PID1: variants seen among roughly 807,000 people sequenced by gnomAD.
PID1 encodes PTB-containing, cubilin and LRP1-interacting protein.
In PID1, 10 loss-of-function variants were observed where a neutral mutation model predicts 19.1. The ratio of observed to expected loss-of-function variants is 0.52; its 90% CI spans 0.32 to 0.89. The LOEUF (loss-of-function observed/expected upper bound fraction) is 0.89. PID1 is among the 40% of genes least tolerant of loss of function. The probability of loss-of-function intolerance (pLI) is 0.03; values close to 1 mark genes in which losing one functional copy is unlikely to be tolerated. For missense variants in PID1, 248 were observed against 285.3 expected, an observed-to-expected ratio of 0.87 and a Z score of 0.94; for synonymous variants, 130 against 116.0, an observed-to-expected ratio of 1.12 and a Z score of -0.78.
chr2:229,109,792 A>G (rs974682631), intron 2 of PID1, among the ~76,000 whole-genome samples: 21 of 152,258 alleles, frequency 1.4e-4, no homozygotes, highest in Admixed American at 1.4e-3. Flanking sequence ...TGTCTGGAGA[A>G]TAAATAGCAG....
At chr2:229,084,407 C>G (rs573670397) in intron 2 of PID1, among the ~76,000 whole-genome samples, 1 of 152,224 alleles carries the variant, frequency 6.6e-6, no homozygotes, top group African/African-American at 2.4e-5. Flanking sequence ...CAGGAAAAGT[C>G]TTTTCTTTCT....
At chr2:229,269,120 G>T (rs1690668975) in intron 1 of PID1, among the ~76,000 whole-genome samples, 1 of 150,656 alleles carries the variant, frequency 6.6e-6, no homozygotes, top group African/African-American at 2.4e-5. Context: ...GCATGAAGTT[G>T]AGCCCCCTGT....
chr2:229,075,296 C>T (rs1183618101), intron 2 of PID1, among the ~76,000 whole-genome samples: 1 of 152,128 alleles, frequency 6.6e-6, no homozygotes, highest in African/African-American at 2.4e-5. Flanking sequence ...TAAGTCAAAC[C>T]ATTGTAAGTT....
At chr2:229,107,443 C>A (rs548798029) in intron 2 of PID1, among the ~76,000 whole-genome samples, 2 of 147,744 alleles carry the variant, frequency 1.4e-5, no homozygotes, top group Admixed American at 6.8e-5. Context: ...CAGCTCCTCT[C>A]AGTAGAATTT....
intron 1 of PID1, among the ~76,000 whole-genome samples, chr2:229,250,461 C>T (rs1398447159): frequency 6.6e-6 from 1 of 152,134 alleles, no homozygotes; most frequent in Non-Finnish European, 1.5e-5. Context: ...CATTATTGCA[C>T]CAAACCACAG....
At chr2:229,231,206 C>T (rs1692198924) in intron 1 of PID1, among the ~76,000 whole-genome samples, 1 of 152,068 alleles carries the variant, frequency 6.6e-6, no homozygotes, top group Admixed American at 6.6e-5. Flanking sequence ...ACTCACAGCT[C>T]ACTAGCAGCC....
At chr2:229,121,783 G>A (rs1019017393) in intron 2 of PID1, among the ~76,000 whole-genome samples, 14 of 152,058 alleles carry the variant, frequency 9.2e-5, no homozygotes, top group Admixed American at 6.6e-5. Flanking sequence ...ACACTTGATC[G>A]AGGTCTAGGG....
At chr2:229,109,486 C>A (rs1695250429) in intron 2 of PID1, among the ~76,000 whole-genome samples, 1 of 152,164 alleles carries the variant, frequency 6.6e-6, no homozygotes, top group Admixed American at 6.6e-5. Context: ...GTACAAACTG[C>A]ATGATTACCT....
intron 2 of PID1, among the ~76,000 whole-genome samples, chr2:229,071,568 C>CTA (rs1195940396): frequency 1.3e-5 from 2 of 152,204 alleles, no homozygotes; most frequent in Non-Finnish European, 2.9e-5. Flanking sequence ...ATGATATCTT[C>CTA]TATATATAAG....
intron 1 of PID1, among the ~76,000 whole-genome samples, chr2:229,171,931 G>T (rs906656541): frequency 6.6e-6 from 1 of 152,086 alleles, no homozygotes; most frequent in Admixed American, 6.6e-5. Context: ...ATGCTCTTTT[G>T]CAGGATGTTG....
intron 2 of PID1, among the ~76,000 whole-genome samples, chr2:229,052,642 A>G (rs764867558): frequency 1.8e-4 from 27 of 152,036 alleles, no homozygotes; most frequent in Non-Finnish European, 3.1e-4. Context: ...AAGCCCTCAT[A>G]CATGAAATAA....
chr2:229,264,038 C>T (rs1690528796), intron 1 of PID1, among the ~76,000 whole-genome samples: 2 of 152,118 alleles, frequency 1.3e-5, no homozygotes, highest in Non-Finnish European at 2.9e-5. Context: ...CAATAAAACC[C>T]AATTAAATGA....
At chr2:229,251,944 TAAAAA>T (rs11284650) in intron 1 of PID1, among the ~76,000 whole-genome samples, 1 of 71,472 alleles carries the variant, frequency 1.4e-5, no homozygotes, top group African/African-American at 5.4e-5. Context: ...AACCATAAGC[TAAAAA>T]AAAAAAAAAA....
chr2:229,163,646 AGAGAGT>A (rs750855349), intron 1 of PID1, among the ~76,000 whole-genome samples: 1 of 136,808 alleles, frequency 7.3e-6, no homozygotes, highest in African/African-American at 2.6e-5. Flanking sequence ...AGGGAGAGAG[AGAGAGT>A]GTGTGTGTGT....
chr2:229,172,171 A>G (rs1348541802), intron 1 of PID1, among the ~76,000 whole-genome samples: 1 of 152,206 alleles, frequency 6.6e-6, no homozygotes, highest in Non-Finnish European at 1.5e-5. Flanking sequence ...TCTTTGAGTA[A>G]CAGCTAAAAG....
At chr2:229,107,765 T>C (rs1695208543) in intron 2 of PID1, among the ~76,000 whole-genome samples, 1 of 152,198 alleles carries the variant, frequency 6.6e-6, no homozygotes, top group African/African-American at 2.4e-5. Flanking sequence ...AACGCGTCTC[T>C]ACTCTAAATG....
chr2:229,056,899 C>T (rs890327306), intron 2 of PID1, among the ~76,000 whole-genome samples: 2 of 152,088 alleles, frequency 1.3e-5, no homozygotes, highest in Non-Finnish European at 2.9e-5. Context: ...ATCACCTGGT[C>T]CTTATGTAGC....
chr2:229,179,655 A>G (rs1159536894), intron 1 of PID1, among the ~76,000 whole-genome samples: 1 of 152,132 alleles, frequency 6.6e-6, no homozygotes, highest in African/African-American at 2.4e-5. Flanking sequence ...ATAAAACCCA[A>G]TCATGCAAGA....
chr2:229,158,734 C>A (rs1209701713), intron 1 of PID1, among the ~76,000 whole-genome samples: 1 of 152,112 alleles, frequency 6.6e-6, no homozygotes, highest in African/African-American at 2.4e-5. Flanking sequence ...GATAATGATA[C>A]ACACACACAA....
Sources: gnomAD v4.1 joint callset for allele counts (sites outside exome capture counted in the v4.1 genomes callset) on GRCh38, gnomAD v4.1.1 for gene constraint, MANE v1.5 for transcripts, NCBI Gene and HGNC (gene_info 2026-07-23, HGNC 2026-07-21) for gene names.